ASB14: variants seen among roughly 807,000 people sequenced by gnomAD.
ASB14 encodes ankyrin repeat and SOCS box containing 14.
A neutral mutation model predicts 55.6 loss-of-function variants in ASB14; 63 were observed. That is an observed-to-expected ratio of 1.13 (90% CI 0.92 to 1.40). The LOEUF (loss-of-function observed/expected upper bound fraction) is 1.40. Ranked by LOEUF, ASB14 falls within the 40% of genes most tolerant of loss-of-function variation. ASB14 has a pLI of 0.00. For synonymous variants in ASB14, 256 were observed against 259.9 expected, an observed-to-expected ratio of 0.98 and a Z score of 0.15; for missense variants, 724 against 710.4, an observed-to-expected ratio of 1.02 and a Z score of -0.22.
intron 3 of ASB14, 137 bp from the exon 4 acceptor site, chr3:57,288,423 G>A (rs1178839578): frequency 3.1e-6 from 3 of 970,234 alleles, no homozygotes; most frequent in African/African-American, 3.3e-5. Context: ...AAAGACAAAT[G>A]GCATATGACA....
At chr3:57,284,943 T>TG (rs1266367260) in intron 5 of ASB14, among the ~76,000 whole-genome samples, 5 of 84,858 alleles carry the variant, frequency 5.9e-5, no homozygotes, top group Non-Finnish European at 1.1e-4. Flanking sequence ...TCAGTGTTGT[T>TG]TTTTTTTTTT....
At chr3:57,276,760 A>G in intron 9 of ASB14, 32 bp from the exon 10 acceptor site, 1 of 1,572,108 alleles carries the variant, frequency 6.4e-7, no homozygotes, top group Non-Finnish European at 8.6e-7. Flanking sequence ...TCCAAAGAGA[A>G]AAAGAACTTT....
At position 57,289,141 on chromosome 3, in the gene ASB14, C is replaced by T. The variant is rs180726842; in HGVS notation, c.123-18G>A. ...AATGCAAACTGCAAAGAAAAAAATA[C>T]ATATGTAATTCCAAAACTGAGGAGA... On this transcript the variant is annotated intron_variant, in intron 2 of 10. Coordinates refer to ENST00000487349, the MANE Select transcript of ASB14 (RefSeq NM_001142733.3). 1.9e-5 allele frequency: 29 copies of T among 1,496,576 alleles called. No homozygotes were observed. In the East Asian group the frequency reaches 5.2e-4, roughly 27 times the overall value. 92.7% of individuals were successfully genotyped at this position (1,496,576 alleles called of 1,614,324 possible).
chr3:57,276,840 A>C (rs1188455019), intron 9 of ASB14, 112 bp from the exon 10 acceptor site: 3 of 965,172 alleles, frequency 3.1e-6, no homozygotes, highest in Non-Finnish European at 4.6e-6. Flanking sequence ...ACTAAATGGC[A>C]AAGTCAATAG....
intron 5 of ASB14, among the ~76,000 whole-genome samples, chr3:57,284,094 ATGTGTGTGTGTGTG>A (rs147304310): frequency 2.2e-5 from 3 of 136,488 alleles, no homozygotes; most frequent in African/African-American, 8.4e-5. Flanking sequence ...AACACTGTGT[ATGTGTGTGTGTGTG>A]TGTGTGTGTG....
At chr3:57,285,515 G>T (rs748368706) in intron 5 of ASB14, among the ~76,000 whole-genome samples, 2 of 151,832 alleles carry the variant, frequency 1.3e-5, no homozygotes, top group Non-Finnish European at 2.9e-5. Context: ...CACATTTCTC[G>T]TCCCACCATC....
Position 57,289,128 on chromosome 3 carries a change from A to T in ASB14, c.123-5T>A, listed in dbSNP as rs2061107940. The T allele has an allele frequency of 1.3e-6, 2 of 1,521,112 alleles. No homozygotes were observed. The allele number at this position is 1,521,112 out of a possible 1,614,324, so 94.2% of individuals were successfully genotyped here. Reference sequence around the variant, plus strand: ...GCGCTCAAAAAGGAATGCAAACTGCAAAGAAAAAAATACATATGTAATTCC... The same window carrying T: ...GCGCTCAAAAAGGAATGCAAACTGCTAAGAAAAAAATACATATGTAATTCC... On this transcript the variant is annotated splice_polypyrimidine_tract_variant and splice_region_variant and intron_variant, in intron 2 of 10. Coordinates refer to ENST00000487349, the MANE Select transcript of ASB14 (RefSeq NM_001142733.3).
intron 2 of ASB14, among the ~76,000 whole-genome samples, chr3:57,289,635 A>G (rs1419906694): frequency 6.6e-6 from 1 of 150,528 alleles, no homozygotes; most frequent in African/African-American, 2.4e-5. Flanking sequence ...TTAAATCTCA[A>G]TTTATGAAAC....
Position 57,278,734 on chromosome 3 carries a change from T to C in ASB14, c.1074A>G (p.Ser358=). The C allele has an allele frequency of 6.2e-7, 1 of 1,613,924 alleles. No individual in the cohort carries two copies. The highest frequency in any genetic ancestry group is 8.5e-7 in the Non-Finnish European group (1 of 1,179,926). ...INKHYDDHRK[S]ALYFAVSNSD... ...TGTTTGATACAGCAAAATACAAAGCTGACTTCCTGTGGTCATCGTAGTGTT... is the reference window on the plus strand; with the variant it reads ...TGTTTGATACAGCAAAATACAAAGCCGACTTCCTGTGGTCATCGTAGTGTT... The change falls in exon 8 of 11, where the codon TCA becomes TCG. Residue 358 remains serine, a synonymous_variant. Transcript: ENST00000487349.
At chr3:57,278,995 A>G in intron 7 of ASB14, 75 bp from the exon 8 acceptor site, 1 of 1,400,580 alleles carries the variant, frequency 7.1e-7, no homozygotes, top group Non-Finnish European at 9.8e-7. Context: ...ATTGTTTTAT[A>G]GCAATACTAG....
At chr3:57,272,199 A>AGTAT (rs1210571386) in intron 10 of ASB14, 15 of 152,350 alleles carry the variant, frequency 9.8e-5, no homozygotes, top group Non-Finnish European at 2.1e-4. Flanking sequence ...CTATTTGAAC[A>AGTAT]GTATGTTTGT....
chr3:57,268,663 T>C lies in ASB14; in HGVS notation c.*978A>G. 1 of 548,398 alleles carries C rather than the reference T, an allele frequency of 1.8e-6. No homozygotes were observed. The highest frequency in any genetic ancestry group is 5.4e-5 in the South Asian group (1 of 18,456). The allele number at this position is 548,398 out of a possible 1,614,324, so 34.0% of individuals were successfully genotyped here. On this transcript the variant is annotated 3_prime_UTR_variant, in exon 11 of 11. Coordinates refer to ENST00000487349, the MANE Select transcript of ASB14 (RefSeq NM_001142733.3). ...GTCACATCTGTTTTTTGATATGATG[T>C]TTACATTATAGTTACGTTGACATGT...
chr3:57,287,330 C>T (rs984029574), intron 5 of ASB14, among the ~76,000 whole-genome samples: 10 of 152,122 alleles, frequency 6.6e-5, no homozygotes, highest in African/African-American at 1.9e-4. Flanking sequence ...TCAGATTCCT[C>T]CAGAGAACCC....
rs1316633301 is a variant in ASB14 at position 57,283,370 on chromosome 3, C to T, written c.539G>A (p.Cys180Tyr). 4 of 1,551,494 alleles carry T rather than the reference C, an allele frequency of 2.6e-6. No individual in the cohort carries two copies. The highest frequency in any genetic ancestry group is 1.2e-5 in the South Asian group (1 of 84,056). The change falls in exon 6 of 11, where the codon TGT (cysteine) becomes TAT (tyrosine). Residue 180 changes from cysteine to tyrosine, a missense_variant. Coordinates refer to ENST00000487349, the MANE Select transcript of ASB14 (RefSeq NM_001142733.3). ...INYGADVNLR[C>Y]ANERTALHEA... is the part of the protein sequence containing the mutation. ...GTGGAGAGCTGTCCTCTCGTTGGCA[C>T]AACGCAGATTGACATCTGCTCCATA...
chr3:57,291,143 G>GGTTT (rs750778776), intron 2 of ASB14, among the ~76,000 whole-genome samples: 1 of 152,238 alleles, frequency 6.6e-6, no homozygotes, highest in African/African-American at 2.4e-5. Flanking sequence ...ATCACTCCAT[G>GGTTT]GTTTGTTACA....
chr3:57,269,599 G>A lies in ASB14; in HGVS notation c.*42C>T. ...TCCAGTAGACCAAACCAAGCCAGTA[G>A]TGAGGGGCAGTTTGTTGTCCTTAGC... On this transcript the variant is annotated 3_prime_UTR_variant, in exon 11 of 11. Transcript: ENST00000487349. The A allele has an allele frequency of 6.2e-7, 1 of 1,614,170 alleles. No individual in the cohort carries two copies. The highest frequency in any genetic ancestry group is 8.5e-7 in the Non-Finnish European group (1 of 1,180,026).
chr3:57,283,291 C>T lies in ASB14; in HGVS notation c.618G>A (p.Gly206=), dbSNP rs2107625429. 5 of 1,551,826 alleles carry T rather than the reference C, an allele frequency of 3.2e-6. No individual in the cohort carries two copies. The highest frequency in any genetic ancestry group is 2.4e-5 in the South Asian group (2 of 84,054). Residue 206 remains glycine (G), a synonymous_variant, in exon 6 of 11, where the codon GGG becomes GGA. Coordinates refer to ENST00000487349, the MANE Select transcript of ASB14 (RefSeq NM_001142733.3). ...ACGTGCTCTGTGGGTCAGGGTGTGCCCCAGAAACCAGCATAAGCTTCACCA... is the reference window on the plus strand; with the variant it reads ...ACGTGCTCTGTGGGTCAGGGTGTGCTCCAGAAACCAGCATAAGCTTCACCA... ...EDMVKLMLVS[G]AHPDPQSTYG... is the part of the protein sequence containing the mutation.
intron 7 of ASB14, among the ~76,000 whole-genome samples, chr3:57,279,544 C>T (rs1287788817): frequency 2.6e-5 from 4 of 151,722 alleles, no homozygotes; most frequent in African/African-American, 4.8e-5. Context: ...ACTAAAAATA[C>T]AAAAATTAGC....
intron 2 of ASB14, among the ~76,000 whole-genome samples, chr3:57,290,259 A>G (rs777377768): frequency 6.6e-6 from 1 of 152,144 alleles, no homozygotes; most frequent in Non-Finnish European, 1.5e-5. Context: ...GGGAGACTCT[A>G]TCTCTGCCTT....
Sources: gnomAD v4.1 joint callset for allele counts (sites outside exome capture counted in the v4.1 genomes callset) on GRCh38, gnomAD v4.1.1 for gene constraint, MANE v1.5 for transcripts, NCBI Gene and HGNC (gene_info 2026-07-23, HGNC 2026-07-21) for gene names.